Variants in KCNIP1 observed in about 807,000 individuals in gnomAD.
KCNIP1 encodes the protein potassium voltage-gated channel interacting protein 1, also known as A-type potassium channel modulatory protein KCNIP1.
KCNIP1 carries 18 observed loss-of-function variants against 33.0 expected under a neutral mutation model. The observed-to-expected ratio is 0.55, with a 90% CI of 0.38 to 0.81. The LOEUF is 0.81. Among genes scored for constraint, KCNIP1 ranks in the 30% least tolerant of loss-of-function variants. The pLI, the probability that KCNIP1 is intolerant of heterozygous loss-of-function variation, is 0.00. For synonymous variants in KCNIP1, 93 were observed against 98.3 expected (o/e 0.95, Z 0.32); for missense variants, 238 against 271.6 (o/e 0.88, Z 0.87).
At chr5:170,367,349 A>AGGAAAGAAGGAAGGAAAG (rs372538602) in intron 1 of KCNIP1, among the ~76,000 whole-genome samples, 6 of 76,890 alleles carry the variant, frequency 7.8e-5, no homozygotes, top group African/African-American at 1.7e-4. Context: ...GAAGGAAAGA[A>AGGAAAGAAGGAAGGAAAG]AAAGAAAGAA....
chr5:170,653,159 T>A (rs1761119019), intron 1 of KCNIP1, among the ~76,000 whole-genome samples: 1 of 152,192 alleles, frequency 6.6e-6, no homozygotes, highest in African/African-American at 2.4e-5. Context: ...AGCCCAGCTA[T>A]GAACCCCATT....
intron 1 of KCNIP1, among the ~76,000 whole-genome samples, chr5:170,698,635 ACCACC>A (rs1327956430): frequency 6.6e-6 from 1 of 151,664 alleles, no homozygotes; most frequent in Admixed American, 6.6e-5. Context: ...TCCCAATTGT[ACCACC>A]CCACCCCACT....
intron 1 of KCNIP1, chr5:170,483,236 C>T (rs1757015374): frequency 3.2e-6 from 1 of 308,686 alleles, no homozygotes. Context: ...GTGGGAACAC[C>T]CTAGGGTGAT....
At chr5:170,403,417 G>T (rs879683655) in intron 1 of KCNIP1, among the ~76,000 whole-genome samples, 25 of 152,190 alleles carry the variant, frequency 1.6e-4, no homozygotes, top group Admixed American at 1.3e-4. Context: ...TTCTGAATTT[G>T]TTTAAAGTCC....
At chr5:170,380,416 C>A (rs1288008726) in intron 1 of KCNIP1, among the ~76,000 whole-genome samples, 1 of 152,212 alleles carries the variant, frequency 6.6e-6, no homozygotes, top group Non-Finnish European at 1.5e-5. Context: ...AAAACTGAGA[C>A]CCAAATGGCA....
chr5:170,727,977 A>G (rs1312785783), intron 5 of KCNIP1, among the ~76,000 whole-genome samples: 1 of 152,194 alleles, frequency 6.6e-6, no homozygotes, highest in Non-Finnish European at 1.5e-5. Flanking sequence ...AATGCACATG[A>G]CTAACATAGG....
intron 1 of KCNIP1, among the ~76,000 whole-genome samples, chr5:170,695,482 G>A (rs962493911): frequency 1.3e-5 from 2 of 152,176 alleles, no homozygotes; most frequent in African/African-American, 4.8e-5. Flanking sequence ...CTGACTTCTA[G>A]CAACACTGGT....
chr5:170,686,650 C>A (rs1455443461), intron 1 of KCNIP1, among the ~76,000 whole-genome samples: 1 of 152,136 alleles, frequency 6.6e-6, no homozygotes, highest in Non-Finnish European at 1.5e-5. Flanking sequence ...CTGACCCCGG[C>A]CTGTGAGTGT....
chr5:170,574,943 T>C (rs1410648708), intron 1 of KCNIP1, among the ~76,000 whole-genome samples: 1 of 152,236 alleles, frequency 6.6e-6, no homozygotes, highest in Non-Finnish European at 1.5e-5. Flanking sequence ...TTGTTTGTTT[T>C]TCATCAATGT....
intron 1 of KCNIP1, among the ~76,000 whole-genome samples, chr5:170,584,589 G>A (rs1458310862): frequency 1.3e-5 from 2 of 152,170 alleles, no homozygotes; most frequent in Non-Finnish European, 2.9e-5. Flanking sequence ...GACCAGCTTG[G>A]AGAGTGGTTG....
At chr5:170,522,656 C>T (rs1755406810) in intron 1 of KCNIP1, among the ~76,000 whole-genome samples, 1 of 152,166 alleles carries the variant, frequency 6.6e-6, no homozygotes. Flanking sequence ...CAGCCAGCAG[C>T]CTCCCCAGGG....
At chr5:170,561,295 G>T (rs967255457) in intron 1 of KCNIP1, among the ~76,000 whole-genome samples, 4 of 152,208 alleles carry the variant, frequency 2.6e-5, no homozygotes, top group Non-Finnish European at 2.9e-5. Context: ...TGCCAGCCCT[G>T]CTGGGACCAC....
intron 1 of KCNIP1, among the ~76,000 whole-genome samples, chr5:170,474,384 G>A (rs546047761): frequency 2.6e-5 from 4 of 151,966 alleles, no homozygotes; most frequent in East Asian, 1.9e-4. Context: ...GGGAACCCCC[G>A]CCCCCCATAC....
chr5:170,515,006 A>G (rs1755071214), intron 1 of KCNIP1, among the ~76,000 whole-genome samples: 1 of 152,174 alleles, frequency 6.6e-6, no homozygotes, highest in African/African-American at 2.4e-5. Flanking sequence ...ATCTCACACT[A>G]TGAGAGACAG....
At chr5:170,503,405 A>G (rs914739180), upstream of KCNIP1, among the ~76,000 whole-genome samples, 2 of 151,146 alleles carry the variant, frequency 1.3e-5, no homozygotes, top group Admixed American at 6.6e-5. Context: ...AAAAAAAAAA[A>G]AAAAGAAAAA....
At chr5:170,442,821 C>A (rs979384280) in intron 1 of KCNIP1, among the ~76,000 whole-genome samples, 19 of 152,144 alleles carry the variant, frequency 1.2e-4, no homozygotes, top group African/African-American at 4.3e-4. Flanking sequence ...GGCAGGAACT[C>A]GATCTATTAG....
In KCNIP1 at chr5:170,652,498, A is replaced by AAAGGAAGG. The variant is rs1554107877; in HGVS notation, c.62-66246_62-66239dup. Among the ~76,000 whole-genome samples, 253 of 102,990 alleles carry AAAGGAAGG rather than the reference A, an allele frequency of 2.5e-3. 2 individuals are homozygous for AAAGGAAGG. Among genetic ancestry groups the AAAGGAAGG allele is most frequent in the African/African-American group, 3.7e-3 (85 of 23,258 alleles). The allele number at this position is 102,990 out of a possible 152,430, so 67.6% of individuals were successfully genotyped here. A position where few individuals can be genotyped will look rare whatever the true frequency, so the allele number is the denominator to read the frequency against. ...AGACCCTATTAAAAAAAAAAAAAAA[A>AAAGGAAGG]AAGGAAGGAAGGAAGGAAGGAGAAA... On this transcript the variant is annotated intron_variant, in intron 1 of 7. Transcript: ENST00000328939.
intron 1 of KCNIP1, among the ~76,000 whole-genome samples, chr5:170,695,805 G>T (rs1762870182): frequency 2.0e-5 from 3 of 152,144 alleles, no homozygotes; most frequent in Non-Finnish European, 2.9e-5. Flanking sequence ...TGGATCATGA[G>T]GTCAGGAGAT....
intron 1 of KCNIP1, among the ~76,000 whole-genome samples, chr5:170,561,741 G>A (rs1757041620): frequency 6.6e-6 from 1 of 152,204 alleles, no homozygotes; most frequent in Non-Finnish European, 1.5e-5. Flanking sequence ...GTTCAATACA[G>A]TATATATTCG....
Sources: gnomAD v4.1 joint callset for allele counts (sites outside exome capture counted in the v4.1 genomes callset) on GRCh38, gnomAD v4.1.1 for gene constraint, MANE v1.5 for transcripts, NCBI Gene and HGNC (gene_info 2026-07-23, HGNC 2026-07-21) for gene names.